NBEA: variants seen among roughly 807,000 people sequenced by gnomAD.
NBEA encodes the protein lysosomal-trafficking regulator 2.
In NBEA, 44 loss-of-function variants were observed where a neutral mutation model predicts 343.4. The observed-to-expected ratio is 0.13, with a 90% confidence interval of 0.10 to 0.16. The LOEUF (loss-of-function observed/expected upper bound fraction) is 0.16. NBEA is among the 10% of genes least tolerant of loss of function. The pLI is 1.00. For synonymous variants in NBEA, 1,175 were observed against 1,238.7 expected, an observed-to-expected ratio of 0.95 and a Z score of 1.08; for missense variants, 2,555 against 3,631.3, an observed-to-expected ratio of 0.70 and a Z score of 7.62.
intron 34 of NBEA, among the ~76,000 whole-genome samples, chr13:35,241,964 C>G (rs2030375066): frequency 6.6e-6 from 1 of 151,836 alleles, no homozygotes; most frequent in African/African-American, 2.4e-5. Context: ...TGAGAAGTGA[C>G]TATATTTTTT....
chr13:35,487,263 CTATTT>C (rs944258575), intron 41 of NBEA, among the ~76,000 whole-genome samples: 6 of 151,764 alleles, frequency 4.0e-5, no homozygotes, highest in African/African-American at 1.2e-4. Flanking sequence ...TATATAAAGA[CTATTT>C]TATGTACTGA....
chr13:35,390,365 A>C (rs1260777797), intron 38 of NBEA, among the ~76,000 whole-genome samples: 1 of 152,200 alleles, frequency 6.6e-6, no homozygotes, highest in African/African-American at 2.4e-5. Context: ...TCCATTTGGA[A>C]CCAGACACAA....
At chr13:35,152,789 A>G (rs2068877532) in intron 18 of NBEA, among the ~76,000 whole-genome samples, 1 of 152,064 alleles carries the variant, frequency 6.6e-6, no homozygotes, top group Non-Finnish European at 1.5e-5. Context: ...TGTGGCTGGT[A>G]TGAATTGAGA....
chr13:35,429,980 G>A (rs1184097759), intron 38 of NBEA, among the ~76,000 whole-genome samples: 1 of 152,150 alleles, frequency 6.6e-6, no homozygotes, highest in Non-Finnish European at 1.5e-5. Context: ...TAGATACCCA[G>A]GAGTGGCATT....
intron 36 of NBEA, among the ~76,000 whole-genome samples, chr13:35,324,340 A>G (rs12876511): frequency 6.6e-6 from 1 of 152,226 alleles, no homozygotes; most frequent in Admixed American, 6.5e-5. Flanking sequence ...ATATGTTGGT[A>G]AAATAAGAAC....
chr13:35,402,512 G>A (rs2043046849), intron 38 of NBEA, among the ~76,000 whole-genome samples: 1 of 151,992 alleles, frequency 6.6e-6, no homozygotes, highest in Non-Finnish European at 1.5e-5. Context: ...ACTTTGAGAT[G>A]GCTTACAGTT....
At chr13:35,143,932 T>G (rs2068249114) in intron 18 of NBEA, among the ~76,000 whole-genome samples, 1 of 151,880 alleles carries the variant, frequency 6.6e-6, no homozygotes, top group Admixed American at 6.6e-5. Context: ...AAATTTACAC[T>G]TCTCTAATAC....
intron 39 of NBEA, among the ~76,000 whole-genome samples, chr13:35,446,375 C>CTAGA (rs1164351935): frequency 1.9e-4 from 29 of 152,236 alleles, no homozygotes; most frequent in Admixed American, 1.6e-3. Flanking sequence ...AGTTCTAGAT[C>CTAGA]CCTGAGGAAT....
chr13:35,646,353 G>A lies in NBEA; in HGVS notation c.7770+5G>A. The stretch of plus-strand genomic sequence containing the variant: ...CGGAGCTCTGCCATGCACCTGGTAA[G>A]ACATATCAGCATGTTGAGATTTTTT... On this transcript the variant is annotated splice_donor_5th_base_variant and intron_variant, in intron 51 of 58. Transcript: ENST00000379939. 1 of 1,607,778 alleles carries A rather than the reference G, an allele frequency of 6.2e-7. No homozygotes were observed.
intron 41 of NBEA, among the ~76,000 whole-genome samples, chr13:35,523,402 T>C (rs1448306420): frequency 2.6e-5 from 4 of 152,140 alleles, no homozygotes; most frequent in Non-Finnish European, 5.9e-5. Context: ...TTAAGGAAAA[T>C]AGAAGTTCAG....
intron 38 of NBEA, among the ~76,000 whole-genome samples, chr13:35,389,388 A>G (rs1330809880): frequency 6.6e-6 from 1 of 152,102 alleles, no homozygotes; most frequent in Admixed American, 6.6e-5. Flanking sequence ...TTTCCCCCTA[A>G]GGAAATATTA....
In NBEA at chr13:34,989,879, A is replaced by G. The variant is rs985619338; in HGVS notation, c.294+46765A>G. 2.0e-5 allele frequency among the ~76,000 whole-genome samples: 3 copies of G among 151,094 alleles called. 1 individual carries two copies. The highest frequency in any genetic ancestry group is 1.3e-4 in the Admixed American group (2 of 15,160). ...CAATGGGGCTACAGGCATTGGGCAA[A>G]TGTTCCCATTCCAAAAGGGAGAAAT... is the stretch of plus-strand genomic sequence containing the variant. On this transcript the variant is annotated intron_variant, in intron 1 of 58. Transcript: ENST00000379939.
chr13:35,073,528 TAAG>T (rs2063969764), intron 10 of NBEA, among the ~76,000 whole-genome samples: 1 of 152,226 alleles, frequency 6.6e-6, no homozygotes. Flanking sequence ...TTTTCTCTAC[TAAG>T]TAGTACCTTT....
At chr13:35,054,864 G>A (rs937379653) in intron 6 of NBEA, among the ~76,000 whole-genome samples, 18 of 151,764 alleles carry the variant, frequency 1.2e-4, no homozygotes, top group African/African-American at 3.9e-4. Context: ...GCCTGGTCTC[G>A]AACTTCTGAC....
At chr13:34,977,411 C>G (rs142596501) in intron 1 of NBEA, among the ~76,000 whole-genome samples, 10 of 151,500 alleles carry the variant, frequency 6.6e-5, no homozygotes, top group Admixed American at 4.6e-4. Context: ...CGGATTCAAG[C>G]GATTCTTCTG....
In NBEA at chr13:35,265,467, C is replaced by A. The variant is rs191750936; in HGVS notation, c.5777-24922C>A. ...TCACATTAGCTGACTGCAAAACATA[C>A]TACAAAGCTATAGTAACCCAAACAA... On this transcript the variant is annotated intron_variant, in intron 34 of 58. Transcript: ENST00000379939. Among the ~76,000 whole-genome samples, 4 of 151,934 alleles carry A rather than the reference C, an allele frequency of 2.6e-5. No homozygotes were observed. In the East Asian group the frequency reaches 5.8e-4, roughly 22 times the overall value.
At chr13:35,564,036 T>C (rs779115398) in intron 44 of NBEA, among the ~76,000 whole-genome samples, 16 of 152,110 alleles carry the variant, frequency 1.1e-4, no homozygotes, top group Admixed American at 3.9e-4. Context: ...CCTTCCTCCT[T>C]CCCTCTACCC....
At chr13:35,298,089 A>G (rs950748452) in intron 35 of NBEA, among the ~76,000 whole-genome samples, 2 of 151,444 alleles carry the variant, frequency 1.3e-5, no homozygotes, top group Admixed American at 1.3e-4. Context: ...TTTCTATGTT[A>G]TATGTATTAT....
chr13:35,272,702 A>C (rs1156847534), intron 34 of NBEA, among the ~76,000 whole-genome samples: 4 of 152,216 alleles, frequency 2.6e-5, no homozygotes. Flanking sequence ...CAGGGGTTGC[A>C]ATCCTAGTCT....
Sources: allele counts gnomAD v4.1 joint callset (sites outside exome capture counted in the v4.1 genomes callset), GRCh38; gene constraint gnomAD v4.1.1; transcripts MANE v1.5; gene names NCBI Gene and HGNC (gene_info 2026-07-23, HGNC 2026-07-21).